Variants in MAPRE2 observed in about 807,000 individuals in gnomAD.
MAPRE2 encodes microtubule associated protein RP/EB family member 2, also known as microtubule-associated protein RP/EB family member 2.
In MAPRE2, 13 loss-of-function variants were observed where a neutral mutation model predicts 43.2. The ratio of observed to expected loss-of-function variants is 0.30; its 90% CI spans 0.20 to 0.48. The LOEUF is 0.48. Among genes scored for constraint, MAPRE2 ranks in the 20% least tolerant of loss-of-function variants. MAPRE2 has a pLI of 0.99. For synonymous variants in MAPRE2, 135 were observed against 148.8 expected (o/e 0.91, Z 0.68); for missense variants, 161 against 400.2 (o/e 0.40, Z 5.10).
intron 1 of MAPRE2, among the ~76,000 whole-genome samples, chr18:34,998,470 G>T (rs2097027647): frequency 1.3e-5 from 2 of 151,824 alleles, no homozygotes; most frequent in South Asian, 4.2e-4. Flanking sequence ...GGGACTACAG[G>T]TGCCCGCCAC....
At chr18:35,022,297 A>G (rs1386275193) in intron 2 of MAPRE2, among the ~76,000 whole-genome samples, 1 of 152,200 alleles carries the variant, frequency 6.6e-6, no homozygotes, top group East Asian at 1.9e-4. Flanking sequence ...GGGATATCAA[A>G]GCAATTTGTT....
intron 1 of MAPRE2, among the ~76,000 whole-genome samples, chr18:34,980,023 C>CTTTTTTTTTTTTTTTTTTT (rs1450524683): frequency 7.5e-5 from 10 of 132,504 alleles, no homozygotes; most frequent in African/African-American, 2.9e-4. Context: ...TTTTCTTTTT[C>CTTTTTTTTTTTTTTTTTTT]TTTTTTTCTT....
chr18:35,119,334 ACCCAC>A (rs1467996483), intron 4 of MAPRE2, among the ~76,000 whole-genome samples: 4 of 151,876 alleles, frequency 2.6e-5, no homozygotes, highest in Non-Finnish European at 5.9e-5. Flanking sequence ...ATTGCTACTT[ACCCAC>A]CCGCAGCCCA....
chr18:35,097,303 A>T, intron 2 of MAPRE2, 143 bp from the exon 3 acceptor site: 1 of 695,648 alleles, frequency 1.4e-6, no homozygotes. Flanking sequence ...GGACAAGGAG[A>T]TATAAGCGCA....
At chr18:35,116,016 T>A (rs958667923) in intron 4 of MAPRE2, among the ~76,000 whole-genome samples, 2 of 152,180 alleles carry the variant, frequency 1.3e-5, no homozygotes, top group Non-Finnish European at 2.9e-5. Context: ...TGGAGATACA[T>A]AGTGATTCTG....
At chr18:35,135,937 G>A (rs1311870276) in intron 6 of MAPRE2, among the ~76,000 whole-genome samples, 1 of 152,224 alleles carries the variant, frequency 6.6e-6, no homozygotes, top group Non-Finnish European at 1.5e-5. Context: ...AACATAGATG[G>A]ACATGCTTTG....
chr18:35,131,943 C>T, intron 5 of MAPRE2, 89 bp from the exon 6 acceptor site: 1 of 1,267,236 alleles, frequency 7.9e-7, no homozygotes, highest in Non-Finnish European at 1.1e-6. Flanking sequence ...CTCTCTCTCT[C>T]TCTTTTGGGT....
intron 1 of MAPRE2, among the ~76,000 whole-genome samples, chr18:34,982,073 CG>C (rs1429785330): frequency 1.3e-5 from 2 of 151,746 alleles, no homozygotes; most frequent in East Asian, 3.9e-4. Context: ...TTAGTAGAGA[CG>C]GGGTTTCAAC....
chr18:35,020,764 A>G (rs1017468377), intron 2 of MAPRE2, among the ~76,000 whole-genome samples: 1 of 152,192 alleles, frequency 6.6e-6, no homozygotes, highest in African/African-American at 2.4e-5. Flanking sequence ...GTGTCCATAA[A>G]TTTGATATTT....
intron 1 of MAPRE2, among the ~76,000 whole-genome samples, chr18:35,064,197 C>CA (rs11311209): frequency 5.1e-4 from 71 of 139,300 alleles, no homozygotes; most frequent in Middle Eastern, 3.5e-3. Flanking sequence ...AGCCTCATTT[C>CA]AAAAAAAAAA....
intron 1 of MAPRE2, among the ~76,000 whole-genome samples, chr18:34,977,697 G>C (rs2097013971): frequency 6.6e-6 from 1 of 152,236 alleles, no homozygotes; most frequent in Non-Finnish European, 1.5e-5. Context: ...CTCAGGAGCC[G>C]GGTGGGTGCA....
chr18:34,993,257 T>G (rs1012131254), intron 1 of MAPRE2, among the ~76,000 whole-genome samples: 1 of 130,742 alleles, frequency 7.6e-6, no homozygotes, highest in East Asian at 2.0e-4. Flanking sequence ...ATTCCCGCCT[T>G]TTTTTTTTTT....
chr18:34,979,759 A>G (rs931280681), intron 1 of MAPRE2, among the ~76,000 whole-genome samples: 1 of 152,230 alleles, frequency 6.6e-6, no homozygotes, highest in Non-Finnish European at 1.5e-5. Context: ...TTAACATTTT[A>G]TATAAAACCT....
intron 1 of MAPRE2, among the ~76,000 whole-genome samples, chr18:34,980,338 G>A (rs1427176892): frequency 3.9e-5 from 6 of 152,006 alleles, no homozygotes; most frequent in Non-Finnish European, 8.8e-5. Context: ...ATTTCTTTAA[G>A]GAGGAAAAAC....
intron 1 of MAPRE2, among the ~76,000 whole-genome samples, chr18:35,050,349 G>GC (rs1905872378): frequency 6.6e-6 from 1 of 152,156 alleles, no homozygotes; most frequent in Admixed American, 6.5e-5. Flanking sequence ...GTAAAGATTT[G>GC]CCTAATGCAA....
chr18:35,136,784 CTAGAGCCT>C (rs1229040118), intron 6 of MAPRE2, among the ~76,000 whole-genome samples: 3 of 152,194 alleles, frequency 2.0e-5, no homozygotes, highest in African/African-American at 7.2e-5. Flanking sequence ...CCACAGTGGC[CTAGAGCCT>C]TCTTCAATAC....
chr18:35,119,006 T>G (rs1485429779), intron 4 of MAPRE2, among the ~76,000 whole-genome samples: 9 of 152,194 alleles, frequency 5.9e-5, no homozygotes, highest in Admixed American at 5.9e-4. Context: ...GCATGTTCCC[T>G]GCAGGGAACC....
intron 1 of MAPRE2, among the ~76,000 whole-genome samples, chr18:34,982,592 A>G (rs1026212594): frequency 1.3e-5 from 2 of 152,196 alleles, no homozygotes; most frequent in African/African-American, 4.8e-5. Flanking sequence ...TAATTTCACA[A>G]AATTTTTGTT....
intron 1 of MAPRE2, among the ~76,000 whole-genome samples, chr18:35,004,571 A>G (rs1444507782): frequency 6.6e-6 from 1 of 152,234 alleles, no homozygotes; most frequent in African/African-American, 2.4e-5. Flanking sequence ...TTACTGTCTT[A>G]CTGCCTCATT....
Sources: gnomAD v4.1 joint callset for allele counts (sites outside exome capture counted in the v4.1 genomes callset) on GRCh38, gnomAD v4.1.1 for gene constraint, MANE v1.5 for transcripts, NCBI Gene and HGNC (gene_info 2026-07-23, HGNC 2026-07-21) for gene names.